Variants in PTPRD observed in about 807,000 individuals in gnomAD.
PTPRD encodes receptor-type tyrosine-protein phosphatase delta.
In PTPRD, 34 loss-of-function variants were observed where a neutral mutation model predicts 214.5. The ratio of observed to expected loss-of-function variants is 0.16; its 90% CI spans 0.12 to 0.21. The LOEUF (loss-of-function observed/expected upper bound fraction) is 0.21, where lower values mean the gene tolerates loss of function less well. Ranked by LOEUF, PTPRD falls within the 10% of genes least tolerant of loss-of-function variation. The pLI is 1.00. For missense variants in PTPRD, 2,545 were observed against 2,398.7 expected, an observed-to-expected ratio of 1.06 and a Z score of -1.27; for synonymous variants, 1,128 against 845.7, an observed-to-expected ratio of 1.33 and a Z score of -5.79.
chr9:8,700,638 A>C (rs756520686), intron 12 of PTPRD: 1 of 152,330 alleles, frequency 6.6e-6, no homozygotes, highest in South Asian at 2.1e-4. Flanking sequence ...AAGAGAAAAA[A>C]ATCTTTTCAT....
chr9:9,199,827 A>T (rs1201484917), intron 9 of PTPRD, among the ~76,000 whole-genome samples: 2 of 152,172 alleles, frequency 1.3e-5, no homozygotes, highest in South Asian at 4.1e-4. Context: ...TATATAGCTG[A>T]AATCTTATTT....
chr9:8,581,083 G>A (rs1319432485), intron 14 of PTPRD, among the ~76,000 whole-genome samples: 2 of 152,126 alleles, frequency 1.3e-5, no homozygotes, highest in Non-Finnish European at 2.9e-5. Flanking sequence ...GTTTGGTACT[G>A]GGAATGGCCC....
chr9:8,711,882 T>A (rs2098341142), intron 12 of PTPRD, among the ~76,000 whole-genome samples: 2 of 152,202 alleles, frequency 1.3e-5, no homozygotes, highest in African/African-American at 2.4e-5. Context: ...CAAGCAATGA[T>A]CTATTGATTT....
rs2095498948 is a variant in PTPRD, at chr9:9,980,408, G to A, written c.-471-41798C>T. 2.0e-5 allele frequency among the ~76,000 whole-genome samples: 3 copies of A among 151,734 alleles called. No individual in the cohort carries two copies. The South Asian group carries it at 6.2e-4, about 31-fold the overall frequency. On this transcript the variant is annotated intron_variant, in intron 4 of 45. Transcript: ENST00000381196. ...GGATCACCTGAGGTCAGGAGTTCAAGACCATCCTGGCCAACTTGGTGAAAC... is the reference window on the plus strand; with the variant it reads ...GGATCACCTGAGGTCAGGAGTTCAAAACCATCCTGGCCAACTTGGTGAAAC...
intron 3 of PTPRD, among the ~76,000 whole-genome samples, chr9:10,238,446 C>G (rs535413663): frequency 1.3e-5 from 2 of 152,026 alleles, no homozygotes; most frequent in Admixed American, 1.3e-4. Context: ...AAACTTCCAA[C>G]CTTCTCCTTG....
chr9:9,584,360 A>G (rs2091502824), intron 7 of PTPRD, among the ~76,000 whole-genome samples: 1 of 127,326 alleles, frequency 7.9e-6, no homozygotes, highest in Non-Finnish European at 1.5e-5. Flanking sequence ...TTTCATCACC[A>G]TTATTATTAT....
At chr9:9,542,244 C>A in intron 8 of PTPRD, among the ~76,000 whole-genome samples, 1 of 151,644 alleles carries the variant, frequency 6.6e-6, no homozygotes, top group East Asian at 1.9e-4. Context: ...CAACTTTATG[C>A]CAATAAATTG....
intron 3 of PTPRD, among the ~76,000 whole-genome samples, chr9:10,218,830 T>C (rs2099553240): frequency 1.3e-5 from 2 of 151,782 alleles, no homozygotes; most frequent in Admixed American, 1.3e-4. Context: ...CATATATTTA[T>C]TATAAAAACA....
chr9:10,059,227 G>C (rs1179812501), intron 3 of PTPRD, among the ~76,000 whole-genome samples: 1 of 152,088 alleles, frequency 6.6e-6, no homozygotes. Context: ...GATTAGTTTA[G>C]ACATGTTCTT....
chr9:10,340,935 C>T (rs1480736004), intron 3 of PTPRD, 28 bp downstream of exon 3: 1 of 151,918 alleles, frequency 6.6e-6, no homozygotes, highest in Non-Finnish European at 1.5e-5. Context: ...TTCTTATTAT[C>T]TATTTCTAGT....
intron 3 of PTPRD, among the ~76,000 whole-genome samples, chr9:10,115,803 G>C (rs1190943049): frequency 6.6e-6 from 1 of 152,062 alleles, no homozygotes; most frequent in Non-Finnish European, 1.5e-5. Context: ...CTTTTATCCA[G>C]ATGCCTCTTA....
At chr9:9,928,757 T>TACACAC (rs60820386) in intron 5 of PTPRD, among the ~76,000 whole-genome samples, 6,164 of 147,164 alleles carry the variant, frequency 0.042, 193 homozygotes, top group East Asian at 0.18. Flanking sequence ...TCTCTCTCTA[T>TACACAC]ACACACACAC....
At chr9:9,917,610 T>A (rs890434850) in intron 5 of PTPRD, among the ~76,000 whole-genome samples, 1 of 151,792 alleles carries the variant, frequency 6.6e-6, no homozygotes, top group Admixed American at 6.6e-5. Context: ...AACCATAATA[T>A]GAAAAGCAGA....
At chr9:9,365,845 T>C (rs944802400) in intron 9 of PTPRD, among the ~76,000 whole-genome samples, 15 of 151,510 alleles carry the variant, frequency 9.9e-5, no homozygotes, top group Admixed American at 6.0e-4. Context: ...ATCTAAACTC[T>C]AGTTATATTA....
intron 2 of PTPRD, among the ~76,000 whole-genome samples, chr9:10,488,403 C>A (rs2099147199): frequency 6.6e-6 from 1 of 150,538 alleles, no homozygotes; most frequent in Non-Finnish European, 1.5e-5. Context: ...CCAGGTCACA[C>A]CTGAAGCCAG....
intron 33 of PTPRD, among the ~76,000 whole-genome samples, chr9:8,452,325 C>G (rs2095991377): frequency 6.6e-6 from 1 of 152,118 alleles, no homozygotes; most frequent in Non-Finnish European, 1.5e-5. Context: ...ATGTGATGTG[C>G]TAGAATGATT....
chr9:9,607,270 G>T (rs1269043599), intron 7 of PTPRD, among the ~76,000 whole-genome samples: 1 of 152,064 alleles, frequency 6.6e-6, no homozygotes. Context: ...GGGATTACTG[G>T]CCATTTCTGT....
chr9:8,911,368 G>A (rs192661621), intron 11 of PTPRD, among the ~76,000 whole-genome samples: 1 of 151,690 alleles, frequency 6.6e-6, no homozygotes, highest in East Asian at 1.9e-4. Context: ...CAATAAATGG[G>A]TTGGGAGAAC....
rs140760608 is a variant in PTPRD at position 9,920,205 on chromosome 9, T to C, written c.-368+18302A>G. The stretch of plus-strand genomic sequence containing the variant: ...GAGACACTGTGCAAACGTTGAAGGA[T>C]ATTAGAAAACAGAACAGTTTGTTTA... On this transcript the variant is annotated intron_variant, in intron 5 of 45. Coordinates refer to ENST00000381196, the MANE Select transcript of PTPRD (RefSeq NM_002839.4). Among the ~76,000 whole-genome samples the C allele has an allele frequency of 1.3e-3, 191 of 152,280 alleles. 1 individual carries two copies. The highest frequency in any genetic ancestry group is 3.9e-3 in the African/African-American group (163 of 41,572).
Sources: gnomAD v4.1 joint callset for allele counts (sites outside exome capture counted in the v4.1 genomes callset) on GRCh38, gnomAD v4.1.1 for gene constraint, MANE v1.5 for transcripts, NCBI Gene and HGNC (gene_info 2026-07-23, HGNC 2026-07-21) for gene names.